Variants in GPHN observed in about 807,000 individuals in gnomAD.
GPHN encodes gephyrin.
GPHN carries 17 observed loss-of-function variants against 95.5 expected under a neutral mutation model. The ratio of observed to expected loss-of-function variants is 0.18; its 90% confidence interval spans 0.12 to 0.27. The LOEUF (loss-of-function observed/expected upper bound fraction) is 0.27, where lower values mean the gene tolerates loss of function less well. Ranked by LOEUF, GPHN falls within the 10% of genes least tolerant of loss-of-function variation. The pLI is 1.00. For missense variants in GPHN, 660 were observed against 978.1 expected (o/e 0.67, Z 4.34); for synonymous variants, 320 against 322.5 (o/e 0.99, Z 0.08).
At chr14:66,698,729 G>A (rs940042767) in intron 2 of GPHN, among the ~76,000 whole-genome samples, 11 of 152,260 alleles carry the variant, frequency 7.2e-5, no homozygotes, top group African/African-American at 2.6e-4. Flanking sequence ...CCATCCTTTG[G>A]TATGTGTTGG....
the GPHN span, among the ~76,000 whole-genome samples, chr14:67,389,761 AAAGT>A: frequency 6.6e-6 from 1 of 150,600 alleles, no homozygotes; most frequent in Non-Finnish European, 1.5e-5. Context: ...ATACAAAACT[AAAGT>A]GTTTTTTTTC....
At chr14:67,412,723 C>A in the GPHN span, among the ~76,000 whole-genome samples, 2 of 152,098 alleles carry the variant, frequency 1.3e-5, no homozygotes, top group African/African-American at 4.8e-5. Context: ...GTCCAGTAAC[C>A]TAGACAAATT....
At chr14:67,691,497 A>G in the GPHN span, 1 of 355,864 alleles carries the variant, frequency 2.8e-6, no homozygotes, top group Non-Finnish European at 5.1e-6. Flanking sequence ...GGAGCTACTT[A>G]CTCACTGCTT....
At chr14:67,380,586 C>A in the GPHN span, 1 of 739,712 alleles carries the variant, frequency 1.4e-6, no homozygotes, top group South Asian at 2.9e-5. Context: ...ATGCATTGTT[C>A]CATAGTGTTT....
chr14:67,474,592 G>GT, the GPHN span, among the ~76,000 whole-genome samples: 2 of 152,198 alleles, frequency 1.3e-5, no homozygotes, highest in Non-Finnish European at 2.9e-5. Context: ...TTAACCATGT[G>GT]TAAGTGTACA....
chr14:67,373,298 A>G, the GPHN span, among the ~76,000 whole-genome samples: 3 of 152,336 alleles, frequency 2.0e-5, no homozygotes, highest in South Asian at 6.2e-4. Context: ...ACTTAACACT[A>G]AAAGTGGTGA....
At chr14:67,472,853 G>C in the GPHN span, 4 of 159,212 alleles carry the variant, frequency 2.5e-5, no homozygotes, top group African/African-American at 9.6e-5. Context: ...CCCTGGGGGA[G>C]GGGAGAGGAG....
the GPHN span, among the ~76,000 whole-genome samples, chr14:67,413,201 G>A: frequency 6.6e-6 from 1 of 152,180 alleles, no homozygotes; most frequent in Non-Finnish European, 1.5e-5. Flanking sequence ...TGGAACAGAA[G>A]GAAACTCAGT....
At chr14:67,656,202 C>T in the GPHN span, among the ~76,000 whole-genome samples, 1 of 150,426 alleles carries the variant, frequency 6.6e-6, no homozygotes, top group African/African-American at 2.4e-5. Context: ...GTGGAGATCA[C>T]GCCACTGCAC....
At chr14:67,623,627 C>T in the GPHN span, among the ~76,000 whole-genome samples, 6 of 149,934 alleles carry the variant, frequency 4.0e-5, no homozygotes, top group East Asian at 9.7e-4. Context: ...CTGCAACCTC[C>T]GCCTCCCGGG....
the GPHN span, among the ~76,000 whole-genome samples, chr14:67,547,982 C>T: frequency 6.6e-5 from 10 of 152,174 alleles, no homozygotes; most frequent in Admixed American, 6.5e-4. Flanking sequence ...CCTGGGCCAC[C>T]CCATTCTGGA....
chr14:67,087,098 C>G (rs540269396), intron 11 of GPHN, among the ~76,000 whole-genome samples: 7 of 150,600 alleles, frequency 4.6e-5, no homozygotes, highest in Admixed American at 4.6e-4. Context: ...CAGTGCTCTA[C>G]TAGATTTTCA....
chr14:67,600,402 C>A, the GPHN span: 830 of 535,874 alleles, frequency 1.5e-3, 5 homozygotes, highest in African/African-American at 0.016. Flanking sequence ...TGACTGTCTT[C>A]GAAAAAACCT....
chr14:66,525,339 G>A (rs2058646640), intron 1 of GPHN, among the ~76,000 whole-genome samples: 1 of 151,972 alleles, frequency 6.6e-6, no homozygotes, highest in Non-Finnish European at 1.5e-5. Flanking sequence ...TTTTTGGTGG[G>A]GTTGTTTTTT....
At chr14:67,537,794 A>T in the GPHN span, among the ~76,000 whole-genome samples, 1 of 152,136 alleles carries the variant, frequency 6.6e-6, no homozygotes, top group African/African-American at 2.4e-5. Flanking sequence ...GAGTCACCTA[A>T]TGACTTCCTG....
chr14:66,923,410 A>T (rs913955544), intron 7 of GPHN, among the ~76,000 whole-genome samples: 1 of 152,134 alleles, frequency 6.6e-6, no homozygotes, highest in Admixed American at 6.5e-5. Context: ...AATTTTTCTT[A>T]ACTAATAACT....
At chr14:67,401,929 G>A in the GPHN span, among the ~76,000 whole-genome samples, 7 of 152,244 alleles carry the variant, frequency 4.6e-5, no homozygotes, top group Admixed American at 3.3e-4. Context: ...TCAGGAGTTC[G>A]AGAGCAGTCT....
the GPHN span, among the ~76,000 whole-genome samples, chr14:67,272,703 G>C: frequency 1.3e-5 from 2 of 152,144 alleles, no homozygotes; most frequent in Non-Finnish European, 2.9e-5. Context: ...CTGTCTCCCA[G>C]GCTGGAGCGC....
intron 2 of GPHN, among the ~76,000 whole-genome samples, chr14:66,748,555 G>C (rs1456854612): frequency 3.3e-5 from 5 of 151,894 alleles, no homozygotes; most frequent in Non-Finnish European, 1.5e-5. Context: ...TTTATAGTAG[G>C]ATTCACTGTT....
Sources: allele counts gnomAD v4.1 joint callset (sites outside exome capture counted in the v4.1 genomes callset), GRCh38; gene constraint gnomAD v4.1.1; transcripts MANE v1.5; gene names NCBI Gene and HGNC (gene_info 2026-07-23, HGNC 2026-07-21).